Variants in CAMK1D observed in about 807,000 individuals in gnomAD.
CAMK1D encodes the protein calcium/calmodulin-dependent protein kinase type 1D.
In CAMK1D, 9 loss-of-function variants were observed where a neutral mutation model predicts 47.7. The ratio of observed to expected loss-of-function variants is 0.19; its 90% CI spans 0.11 to 0.33. The LOEUF (loss-of-function observed/expected upper bound fraction) is 0.33. Among genes scored for constraint, CAMK1D ranks in the 10% least tolerant of loss-of-function variants. The pLI, the probability that CAMK1D is intolerant of heterozygous loss-of-function variation, is 1.00. For synonymous variants in CAMK1D, 184 were observed against 184.9 expected (o/e 0.99, Z 0.04); for missense variants, 291 against 488.7 (o/e 0.60, Z 3.81).
At chr10:12,453,547 GCTTACCCATTCAT>G (rs2132037589) in intron 1 of CAMK1D, among the ~76,000 whole-genome samples, 1 of 152,114 alleles carries the variant, frequency 6.6e-6, no homozygotes, top group South Asian at 2.1e-4. Flanking sequence ...ATCATATTTC[GCTTACCCATTCAT>G]CTGTCCATGG....
intron 2 of CAMK1D, among the ~76,000 whole-genome samples, chr10:12,559,973 G>C (rs2815621): frequency 0.056 from 8,539 of 152,234 alleles, 419 homozygotes; most frequent in East Asian, 0.2. Flanking sequence ...TAGCACCTCT[G>C]TCATGGGAAG....
At chr10:12,543,503 G>C (rs1484391092) in intron 1 of CAMK1D, among the ~76,000 whole-genome samples, 1 of 152,130 alleles carries the variant, frequency 6.6e-6, no homozygotes, top group African/African-American at 2.4e-5. Context: ...CTCTGGGCTT[G>C]GCTTGGCTCT....
At chr10:12,393,563 C>T (rs908780856) in intron 1 of CAMK1D, among the ~76,000 whole-genome samples, 6 of 152,190 alleles carry the variant, frequency 3.9e-5, no homozygotes, top group Non-Finnish European at 7.4e-5. Flanking sequence ...GGACATTCAG[C>T]GAATTAAGTG....
At chr10:12,725,741 A>G (rs969858780) in intron 3 of CAMK1D, among the ~76,000 whole-genome samples, 1 of 152,144 alleles carries the variant, frequency 6.6e-6, no homozygotes, top group Non-Finnish European at 1.5e-5. Context: ...CCAGCTACAC[A>G]CTACTGAATA....
intron 3 of CAMK1D, among the ~76,000 whole-genome samples, chr10:12,680,205 A>G (rs1209447587): frequency 1.3e-5 from 2 of 152,124 alleles, no homozygotes; most frequent in Admixed American, 6.6e-5. Flanking sequence ...TTTGGGGGAG[A>G]TCTTGCAGAG....
intron 1 of CAMK1D, among the ~76,000 whole-genome samples, chr10:12,357,597 T>G (rs752355660): frequency 6.6e-6 from 1 of 152,226 alleles, no homozygotes; most frequent in Non-Finnish European, 1.5e-5. Flanking sequence ...ATTACAGGCA[T>G]GAGCCACTGC....
chr10:12,418,912 G>GC (rs1481539657), intron 1 of CAMK1D, among the ~76,000 whole-genome samples: 1 of 152,142 alleles, frequency 6.6e-6, no homozygotes, highest in Non-Finnish European at 1.5e-5. Context: ...GAAGGCCTCA[G>GC]CCGAGAGTGG....
intron 5 of CAMK1D, among the ~76,000 whole-genome samples, chr10:12,782,996 GTTTTT>G (rs869121653): frequency 2.3e-5 from 2 of 85,650 alleles, no homozygotes; most frequent in South Asian, 3.5e-4. Context: ...TTTTTTTTTT[GTTTTT>G]TTTTTTTTTG....
At position 12,831,957 on chromosome 10, in the gene CAMK1D, G is replaced by T. The variant is rs756002; in HGVS notation, c.*3070G>T. The T allele has an allele frequency of 0.17, 26,600 of 152,140 alleles. 2,395 individuals are homozygous for T. Among genetic ancestry groups the T allele is most frequent in the African/African-American group, 0.21 (8,727 of 41,470 alleles). The allele number at this position is 152,140 out of a possible 1,614,324, so 9.4% of individuals were successfully genotyped here. Reference sequence around the variant, plus strand: ...TCCTAGGACCCGCACCAAGGTCAGAGTCCACCTGTAGAGGCTGAGCATTTC... The same window carrying T: ...TCCTAGGACCCGCACCAAGGTCAGATTCCACCTGTAGAGGCTGAGCATTTC... On this transcript the variant is annotated 3_prime_UTR_variant, in exon 11 of 11. Transcript: ENST00000619168.
intron 2 of CAMK1D, among the ~76,000 whole-genome samples, chr10:12,634,227 G>A (rs1054468489): frequency 3.9e-5 from 6 of 152,160 alleles, no homozygotes; most frequent in African/African-American, 9.7e-5. Flanking sequence ...TCCTAGCATC[G>A]TCCTTTCTCA....
intron 2 of CAMK1D, among the ~76,000 whole-genome samples, chr10:12,604,393 A>G (rs1260598570): frequency 6.6e-6 from 1 of 152,210 alleles, no homozygotes; most frequent in Non-Finnish European, 1.5e-5. Context: ...GGAATCAGAT[A>G]AACAGGGAAA....
chr10:12,587,008 C>A (rs1470678013), intron 2 of CAMK1D, among the ~76,000 whole-genome samples: 1 of 152,052 alleles, frequency 6.6e-6, no homozygotes, highest in Non-Finnish European at 1.5e-5. Flanking sequence ...AGAATGGGGA[C>A]CATGGTTGTG....
In CAMK1D at chr10:12,793,609, T is replaced by C. The variant is rs1838075065; in HGVS notation, c.641+2376T>C. ...AATTCGTTTCCTGGTGAGGGCTCTT[T>C]TCCTGACTTGCAGACAGCCACCTTC... On this transcript the variant is annotated intron_variant, in intron 6 of 10. Transcript: ENST00000619168. Among the ~76,000 whole-genome samples the C allele has an allele frequency of 2.6e-5, 4 of 152,382 alleles. No homozygotes were observed. The South Asian group carries it at 6.2e-4, about 24-fold the overall frequency.
chr10:12,825,390 G>A (rs1833163155), intron 9 of CAMK1D, among the ~76,000 whole-genome samples, 183 bp from the exon 10 acceptor site: 1 of 152,088 alleles, frequency 6.6e-6, no homozygotes, highest in Non-Finnish European at 1.5e-5. Context: ...GTTGGGGAAA[G>A]GGGTTAATAA....
At chr10:12,739,709 CT>C (rs761475479) in intron 3 of CAMK1D, among the ~76,000 whole-genome samples, 6 of 152,068 alleles carry the variant, frequency 3.9e-5, no homozygotes, top group Non-Finnish European at 8.8e-5. Context: ...GTTTCGTGTA[CT>C]TTGTATACAT....
intron 3 of CAMK1D, among the ~76,000 whole-genome samples, chr10:12,756,609 G>A (rs1430908580): frequency 1.3e-5 from 2 of 152,156 alleles, no homozygotes; most frequent in South Asian, 2.1e-4. Context: ...GCATTATACT[G>A]TCTTAGGCAA....
intron 3 of CAMK1D, among the ~76,000 whole-genome samples, chr10:12,709,368 C>A (rs1382250427): frequency 6.6e-6 from 1 of 151,586 alleles, no homozygotes; most frequent in Non-Finnish European, 1.5e-5. Context: ...CTGCAGAAGG[C>A]ACCAGCTGTC....
intron 2 of CAMK1D, among the ~76,000 whole-genome samples, chr10:12,638,647 C>G (rs1428876926): frequency 6.6e-6 from 1 of 152,198 alleles, no homozygotes; most frequent in Non-Finnish European, 1.5e-5. Context: ...AGCCTGCTGG[C>G]TGGAGTCTCC....
At chr10:12,817,759 C>T (rs370479915) in intron 8 of CAMK1D, among the ~76,000 whole-genome samples, 3 of 152,132 alleles carry the variant, frequency 2.0e-5, no homozygotes, top group Admixed American at 6.6e-5. Context: ...GGGGCAGTCT[C>T]GGCTCACTGC....
Sources: gnomAD v4.1 joint callset for allele counts (sites outside exome capture counted in the v4.1 genomes callset) on GRCh38, gnomAD v4.1.1 for gene constraint, MANE v1.5 for transcripts, NCBI Gene and HGNC (gene_info 2026-07-23, HGNC 2026-07-21) for gene names.